The following ZNF407 variants were observed in gnomAD, a reference collection of about 807,000 sequenced individuals.
ZNF407 encodes the protein zinc finger protein 407.
A neutral mutation model predicts 131.2 loss-of-function variants in ZNF407; 17 were observed. The ratio of observed to expected loss-of-function variants is 0.13; its 90% CI spans 0.09 to 0.19. The LOEUF is 0.19. Among genes scored for constraint, ZNF407 ranks in the 10% least tolerant of loss-of-function variants. ZNF407 has a pLI of 1.00. For synonymous variants in ZNF407, 1,156 were observed against 1,062.0 expected, an observed-to-expected ratio of 1.09 and a Z score of -1.72; for missense variants, 2,681 against 2,830.6, an observed-to-expected ratio of 0.95 and a Z score of 1.20.
chr18:74,861,864 A>T (rs139364067), intron 4 of ZNF407, among the ~76,000 whole-genome samples: 468 of 152,332 alleles, frequency 3.1e-3, no homozygotes, highest in Middle Eastern at 6.8e-3. Context: ...TTAACTATGA[A>T]TCTGTAAATT....
chr18:74,631,134 G>A lies in ZNF407; in HGVS notation c.115G>A (p.Val39Met). The change falls in exon 2 of 9, where the codon GTG (valine) becomes ATG (methionine). Residue 39 changes from valine to methionine, a missense_variant. Physicochemically the swap from Val to Met is conservative, Grantham distance 21. This residue lies in a region of ZNF407 where 1,789 missense variants were observed against 1,748.7 expected (regional missense o/e 1.02). Transcript: ENST00000299687. ...HNEDGGPVSDVIASFPENSMG... is the reference protein window; with the variant it reads ...HNEDGGPVSDMIASFPENSMG... Reference sequence around the variant, plus strand: ...TGAAGACGGTGGGCCTGTATCTGATGTGATAGCAAGTTTCCCTGAGAATTC... The same window carrying A: ...TGAAGACGGTGGGCCTGTATCTGATATGATAGCAAGTTTCCCTGAGAATTC... 6.2e-7 allele frequency: 1 copy of A among 1,613,944 alleles called. No individual in the cohort carries two copies. The highest frequency in any genetic ancestry group is 8.5e-7 in the Non-Finnish European group (1 of 1,179,890).
chr18:74,784,943 A>C (rs1969675580), intron 4 of ZNF407, among the ~76,000 whole-genome samples: 1 of 152,188 alleles, frequency 6.6e-6, no homozygotes, highest in African/African-American at 2.4e-5. Flanking sequence ...TGACTGTGTA[A>C]ATAGGAGGAC....
chr18:74,987,416 G>A (rs1032863868), intron 8 of ZNF407, among the ~76,000 whole-genome samples: 20 of 152,146 alleles, frequency 1.3e-4, no homozygotes, highest in Admixed American at 1.1e-3. Flanking sequence ...CGCGAGGAAC[G>A]GTGAGCTCAC....
chr18:74,630,243 T>C (rs1199096006), intron 1 of ZNF407, among the ~76,000 whole-genome samples: 1 of 148,126 alleles, frequency 6.8e-6, no homozygotes, highest in Non-Finnish European at 1.5e-5. Flanking sequence ...CAATCTCGGC[T>C]CACTGCAAGC....
intron 3 of ZNF407, among the ~76,000 whole-genome samples, chr18:74,675,431 C>T (rs1171037437): frequency 3.3e-5 from 5 of 152,186 alleles, no homozygotes; most frequent in Admixed American, 1.3e-4. Flanking sequence ...GTAAGCTTCA[C>T]TTACTGTTTG....
At chr18:74,944,600 T>C (rs7237970) in intron 8 of ZNF407, among the ~76,000 whole-genome samples, 34,466 of 152,110 alleles carry the variant, frequency 0.23, 5,185 homozygotes, top group African/African-American at 0.41. Flanking sequence ...ATATGAAACA[T>C]AAGAACAGCA....
At chr18:74,993,184 T>G (rs1419899061) in intron 8 of ZNF407, among the ~76,000 whole-genome samples, 1 of 152,226 alleles carries the variant, frequency 6.6e-6, no homozygotes, top group East Asian at 1.9e-4. Flanking sequence ...ATGCAAAGAT[T>G]TATATATGAA....
intron 1 of ZNF407, among the ~76,000 whole-genome samples, chr18:74,601,609 T>A (rs572488862): frequency 6.6e-6 from 1 of 152,258 alleles, no homozygotes; most frequent in African/African-American, 2.4e-5. Flanking sequence ...CTCTCCATCA[T>A]GGCAGAAGGC....
At chr18:74,859,466 A>C (rs1970906705) in intron 4 of ZNF407, among the ~76,000 whole-genome samples, 1 of 152,198 alleles carries the variant, frequency 6.6e-6, no homozygotes. Context: ...TTTTAGCTGT[A>C]TGTAGGTTTT....
At chr18:74,930,474 T>C (rs1036067180) in intron 8 of ZNF407, among the ~76,000 whole-genome samples, 2 of 152,182 alleles carry the variant, frequency 1.3e-5, no homozygotes, top group Non-Finnish European at 2.9e-5. Context: ...ATTTGCCCAA[T>C]AATTTTGACA....
intron 8 of ZNF407, among the ~76,000 whole-genome samples, chr18:75,058,969 G>C (rs1240957815): frequency 2.0e-5 from 3 of 152,178 alleles, no homozygotes; most frequent in Admixed American, 6.5e-5. Flanking sequence ...AAGCAGTACT[G>C]ACAGCACTCG....
intron 4 of ZNF407, among the ~76,000 whole-genome samples, chr18:74,867,824 A>C (rs752377909): frequency 1.3e-5 from 2 of 152,250 alleles, no homozygotes; most frequent in South Asian, 4.1e-4. Context: ...CAAACTCTGC[A>C]TATCAGTTTC....
rs376253218 is a variant in ZNF407, at chr18:74,676,837, A to G, written c.4802+35715A>G. ...GCGTAATCTGAAAGATTATCAGTTT[A>G]TCCAAGAAACTGTCTTTTTGTCTTT... is the stretch of plus-strand genomic sequence containing the variant. On this transcript the variant is annotated intron_variant, in intron 3 of 8. Transcript: ENST00000299687. 1.6e-3 allele frequency among the ~76,000 whole-genome samples: 248 copies of G among 152,270 alleles called. 2 individuals carry two copies. The highest frequency in any genetic ancestry group is 5.5e-3 in the African/African-American group (227 of 41,534).
At chr18:74,952,610 C>T (rs992392215) in intron 8 of ZNF407, among the ~76,000 whole-genome samples, 4 of 152,190 alleles carry the variant, frequency 2.6e-5, no homozygotes, top group Admixed American at 2.0e-4. Flanking sequence ...CAGGAAGGGG[C>T]TGGACGATTG....
At chr18:75,032,610 A>T (rs938108711) in intron 8 of ZNF407, among the ~76,000 whole-genome samples, 13 of 152,236 alleles carry the variant, frequency 8.5e-5, no homozygotes, top group African/African-American at 3.1e-4. Flanking sequence ...GGAAAGCTTC[A>T]TACGCATTTA....
intron 1 of ZNF407, among the ~76,000 whole-genome samples, chr18:74,629,446 C>G (rs1052334343): frequency 6.6e-6 from 1 of 152,180 alleles, no homozygotes; most frequent in Non-Finnish European, 1.5e-5. Context: ...ATGCAAGTCC[C>G]TTATCAGATA....
At chr18:74,601,365 CCTT>C (rs1982577998) in intron 1 of ZNF407, among the ~76,000 whole-genome samples, 1 of 114,186 alleles carries the variant, frequency 8.8e-6, no homozygotes, top group Non-Finnish European at 1.9e-5. Context: ...GTGTGTGTGT[CCTT>C]CACAAGATTA....
chr18:74,655,694 G>A (rs1985423641), intron 3 of ZNF407, among the ~76,000 whole-genome samples: 1 of 152,202 alleles, frequency 6.6e-6, no homozygotes, highest in African/African-American at 2.4e-5. Context: ...GTGAATATTT[G>A]TTTTTCTTTA....
chr18:74,903,416 A>G (rs769606070), intron 7 of ZNF407, among the ~76,000 whole-genome samples: 3 of 152,152 alleles, frequency 2.0e-5, no homozygotes, highest in Non-Finnish European at 4.4e-5. Flanking sequence ...TATTTTATAG[A>G]GTTCATGTCC....
Sources: allele counts gnomAD v4.1 joint callset (sites outside exome capture counted in the v4.1 genomes callset), GRCh38; gene constraint gnomAD v4.1.1; regional missense constraint gnomAD v4.1.1; transcripts MANE v1.5; gene names NCBI Gene and HGNC (gene_info 2026-07-23, HGNC 2026-07-21).